AK9: variants seen among roughly 807,000 people sequenced by gnomAD.
The protein encoded by AK9 is adenylate kinase 9.
In AK9, 191 loss-of-function variants were observed where a neutral mutation model predicts 239.6. That is an observed-to-expected ratio of 0.80 (90% CI 0.71 to 0.90). The LOEUF (loss-of-function observed/expected upper bound fraction) is 0.90, where lower values mean the gene tolerates loss of function less well. AK9 is among the 40% of genes least tolerant of loss of function. The pLI, the probability that AK9 is intolerant of heterozygous loss-of-function variation, is 0.00. For synonymous variants in AK9, 689 were observed against 721.0 expected, an observed-to-expected ratio of 0.96 and a Z score of 0.71; for missense variants, 1,995 against 2,214.7, an observed-to-expected ratio of 0.90 and a Z score of 1.99.
intron 17 of AK9, among the ~76,000 whole-genome samples, chr6:109,600,291 C>T (rs1791737570): frequency 6.6e-6 from 1 of 152,066 alleles, no homozygotes; most frequent in African/African-American, 2.4e-5. Flanking sequence ...GCATGAAGGG[C>T]TGTTGAATTT....
At chr6:109,667,582 G>C (rs1225212247) in intron 5 of AK9, among the ~76,000 whole-genome samples, 2 of 150,116 alleles carry the variant, frequency 1.3e-5, no homozygotes, top group African/African-American at 2.5e-5. Context: ...GCTCCAGTGT[G>C]TGATGTTCCC....
At chr6:109,623,402 G>A (rs1387684835) in intron 12 of AK9, among the ~76,000 whole-genome samples, 2 of 152,032 alleles carry the variant, frequency 1.3e-5, no homozygotes, top group Non-Finnish European at 2.9e-5. Flanking sequence ...TCTTTCTGAG[G>A]GTAGTCAGCT....
At position 109,496,961 on chromosome 6, in the gene AK9, C is replaced by T. The variant is rs538991060; in HGVS notation, c.5315+504G>A. 5.3e-5 allele frequency among the ~76,000 whole-genome samples: 8 copies of T among 152,216 alleles called. No individual in the cohort carries two copies. The South Asian group carries it at 1.5e-3, about 28-fold the overall frequency. The stretch of plus-strand genomic sequence containing the variant: ...TGAGTCCATGAAACCGCAAACGCTT[C>T]ATGGTGGTCTTACTTGACCTTCCAC... On this transcript the variant is annotated intron_variant, in intron 38 of 40. Transcript: ENST00000424296.
chr6:109,610,831 T>C (rs1793495881), intron 16 of AK9, among the ~76,000 whole-genome samples: 1 of 152,056 alleles, frequency 6.6e-6, no homozygotes, highest in African/African-American at 2.4e-5. Flanking sequence ...AGGAATCAAG[T>C]GAAAGCATAA....
intron 28 of AK9, among the ~76,000 whole-genome samples, chr6:109,530,972 G>A (rs1217718864): frequency 6.6e-6 from 1 of 152,092 alleles, no homozygotes; most frequent in Non-Finnish European, 1.5e-5. Context: ...GAACCCAAGT[G>A]GCGGAGGTTG....
chr6:109,648,740 A>G (rs1798469583), intron 8 of AK9, among the ~76,000 whole-genome samples: 1 of 152,234 alleles, frequency 6.6e-6, no homozygotes, highest in Admixed American at 6.5e-5. Context: ...AATTCATTTT[A>G]TGAGGTCAGC....
chr6:109,686,721 A>G (rs1773561032), intron 1 of AK9, among the ~76,000 whole-genome samples: 1 of 152,188 alleles, frequency 6.6e-6, no homozygotes, highest in African/African-American at 2.4e-5. Context: ...TTCCCCATTC[A>G]AAAAACAGCT....
chr6:109,592,745 G>T (rs867891649), intron 17 of AK9, among the ~76,000 whole-genome samples: 1 of 150,638 alleles, frequency 6.6e-6, no homozygotes, highest in Non-Finnish European at 1.5e-5. Context: ...CGTGCCCAGC[G>T]GGATTTTTTT....
At chr6:109,636,446 T>C (rs1796718568) in intron 10 of AK9, among the ~76,000 whole-genome samples, 1 of 152,030 alleles carries the variant, frequency 6.6e-6, no homozygotes, top group African/African-American at 2.4e-5. Context: ...CCTTTAAGCA[T>C]ACAATTCAGT....
intron 17 of AK9, among the ~76,000 whole-genome samples, chr6:109,596,385 G>T (rs1791033907): frequency 6.6e-6 from 1 of 152,200 alleles, no homozygotes; most frequent in East Asian, 1.9e-4. Flanking sequence ...GGAGAAATCT[G>T]CTGCCCCAAG....
chr6:109,637,174 T>C (rs1025164969), intron 10 of AK9, among the ~76,000 whole-genome samples: 1 of 152,234 alleles, frequency 6.6e-6, no homozygotes, highest in Admixed American at 6.5e-5. Context: ...TTCATGTACT[T>C]ACTGGCTATT....
chr6:109,553,129 A>C (rs1423232266), intron 24 of AK9, among the ~76,000 whole-genome samples: 1 of 152,188 alleles, frequency 6.6e-6, no homozygotes. Context: ...GCTTGAAGTC[A>C]GGTAGCGTGA....
At chr6:109,617,783 C>A (rs1794350150) in intron 13 of AK9, among the ~76,000 whole-genome samples, 1 of 152,108 alleles carries the variant, frequency 6.6e-6, no homozygotes, top group African/African-American at 2.4e-5. Context: ...AAGAATGGTT[C>A]TCGTTCTAAG....
intron 1 of AK9, among the ~76,000 whole-genome samples, chr6:109,690,093 T>C (rs1369923155): frequency 6.6e-6 from 1 of 152,266 alleles, no homozygotes; most frequent in Non-Finnish European, 1.5e-5. Context: ...TGGTATTACA[T>C]GAATGTTATC....
intron 5 of AK9, among the ~76,000 whole-genome samples, chr6:109,665,625 C>T (rs1801082111): frequency 6.6e-6 from 1 of 152,218 alleles, no homozygotes; most frequent in South Asian, 2.1e-4. Flanking sequence ...CTGGCATTAA[C>T]TCCTGGTCTG....
At chr6:109,647,315 C>T (rs1798204610) in intron 8 of AK9, among the ~76,000 whole-genome samples, 1 of 152,124 alleles carries the variant, frequency 6.6e-6, no homozygotes, top group Non-Finnish European at 1.5e-5. Context: ...AGAGTCAAGA[C>T]CCATCAGTGT....
At chr6:109,501,405 G>T (rs781112100) in intron 35 of AK9, among the ~76,000 whole-genome samples, 4 of 152,086 alleles carry the variant, frequency 2.6e-5, no homozygotes, top group Non-Finnish European at 4.4e-5. Flanking sequence ...GGGAAACCGT[G>T]CCCAAAGAGG....
At chr6:109,538,936 A>T (rs1369068956) in intron 27 of AK9, among the ~76,000 whole-genome samples, 2 of 151,834 alleles carry the variant, frequency 1.3e-5, no homozygotes, top group African/African-American at 2.4e-5. Context: ...ATTGGCCCCC[A>T]CTCTCTTCTG....
intron 19 of AK9, among the ~76,000 whole-genome samples, chr6:109,583,465 C>T (rs1293036536): frequency 6.6e-6 from 1 of 152,116 alleles, no homozygotes; most frequent in East Asian, 1.9e-4. Context: ...TCTTTTCTAA[C>T]CAACCTATAA....
Sources: allele counts gnomAD v4.1 joint callset (sites outside exome capture counted in the v4.1 genomes callset), GRCh38; gene constraint gnomAD v4.1.1; transcripts MANE v1.5; gene names NCBI Gene and HGNC (gene_info 2026-07-23, HGNC 2026-07-21).